DAAM2: variants seen among roughly 807,000 people sequenced by gnomAD.
DAAM2 encodes disheveled-associated activator of morphogenesis 2.
Under a neutral mutation model 120.7 loss-of-function variants are expected in DAAM2, and 39 were observed. The ratio of observed to expected loss-of-function variants is 0.32; its 90% CI spans 0.25 to 0.42. DAAM2 has a LOEUF of 0.42. DAAM2 is among the 10% of genes least tolerant of loss of function. The pLI is 1.00. For synonymous variants in DAAM2, 488 were observed against 524.9 expected (o/e 0.93, Z 0.96); for missense variants, 1,283 against 1,401.7 (o/e 0.92, Z 1.35).
chr6:39,869,401 AG>A (rs1250182097), intron 7 of DAAM2, among the ~76,000 whole-genome samples: 3 of 152,122 alleles, frequency 2.0e-5, no homozygotes, highest in Non-Finnish European at 4.4e-5. Context: ...TCTGGTCAAC[AG>A]GGTGAAGCCC....
intron 19 of DAAM2, among the ~76,000 whole-genome samples, chr6:39,893,772 C>T (rs929607855): frequency 3.9e-5 from 6 of 152,124 alleles, no homozygotes; most frequent in African/African-American, 1.4e-4. Flanking sequence ...AGAATCAGAT[C>T]AGTGTGTGTG....
At chr6:39,817,863 G>A (rs1762353644) in intron 1 of DAAM2, among the ~76,000 whole-genome samples, 1 of 152,052 alleles carries the variant, frequency 6.6e-6, no homozygotes, top group South Asian at 2.1e-4. Context: ...ACTGATTTAA[G>A]TGTTCATCTC....
Position 39,899,902 on chromosome 6 carries a change from G to C in DAAM2, c.2680-175G>C. ...TAGAGAAAGAAAGATGGCAGGGTGG[G>C]CTGGCTGCTAATGTTAGCTCATAGT... is the stretch of plus-strand genomic sequence containing the variant. On this transcript the variant is annotated intron_variant, in intron 22 of 24. Coordinates refer to ENST00000274867, the MANE Select transcript of DAAM2 (RefSeq NM_001201427.2). 6.3e-6 allele frequency: 4 copies of C among 635,034 alleles called. No homozygotes were observed. The South Asian group carries it at 8.8e-5, about 14-fold the overall frequency. 39.3% of individuals were successfully genotyped at this position (635,034 alleles called of 1,614,324 possible). A position where few individuals can be genotyped will look rare whatever the true frequency, so the allele number is the denominator to read the frequency against.
Position 39,888,734 on chromosome 6 carries a change from G to A in DAAM2, c.2116G>A (p.Glu706Lys), listed in dbSNP as rs760053303. Residue 706 changes from glutamate to lysine, a missense_variant, in exon 17 of 25, where the codon GAG becomes AAG. Transcript: ENST00000274867. ...RQAILKMDEQEDLAKDMLEQL... is the reference protein window; with the variant it reads ...RQAILKMDEQKDLAKDMLEQL... ...GGCCATCTTGAAGATGGATGAGCAG[G>A]AGGACCTTGCTAAGGACATGCTGGA... 1.9e-6 allele frequency: 3 copies of A among 1,613,084 alleles called. No individual in the cohort carries two copies. The Admixed American group carries it at 5.0e-5, about 27-fold the overall frequency.
At chr6:39,874,971 A>C (rs1486328018) in intron 10 of DAAM2, among the ~76,000 whole-genome samples, 1 of 152,200 alleles carries the variant, frequency 6.6e-6, no homozygotes, top group Non-Finnish European at 1.5e-5. Context: ...TCAGCATGTA[A>C]TATTTTGGAG....
chr6:39,793,434 T>C (rs1369351575), intron 1 of DAAM2, among the ~76,000 whole-genome samples: 3 of 151,920 alleles, frequency 2.0e-5, no homozygotes, highest in Non-Finnish European at 4.4e-5. Flanking sequence ...CTGGGCTTGA[T>C]TTAACTCTTC....
intron 1 of DAAM2, among the ~76,000 whole-genome samples, chr6:39,818,201 A>AC (rs1193964334): frequency 6.4e-5 from 9 of 139,814 alleles, no homozygotes; most frequent in African/African-American, 2.9e-4. Context: ...AAAAAAAAAA[A>AC]AAAAACTTCA....
chr6:39,892,098 T>C (rs187850546), intron 19 of DAAM2, among the ~76,000 whole-genome samples: 153 of 152,288 alleles, frequency 1.0e-3, no homozygotes, highest in Admixed American at 3.3e-3. Context: ...ACTAGGCTCA[T>C]AGAAGACTTC....
At chr6:39,872,869 T>C (rs1427220584) in intron 9 of DAAM2, among the ~76,000 whole-genome samples, 2 of 152,170 alleles carry the variant, frequency 1.3e-5, no homozygotes, top group African/African-American at 2.4e-5. Flanking sequence ...GGGATGATTT[T>C]GCTCTCCTCT....
chr6:39,844,562 A>G (rs576204134), intron 1 of DAAM2, among the ~76,000 whole-genome samples: 7 of 152,298 alleles, frequency 4.6e-5, no homozygotes, highest in African/African-American at 7.2e-5. Context: ...GTGGATACTC[A>G]GTCTCCGGTC....
chr6:39,829,361 T>C (rs1762795326), intron 1 of DAAM2, among the ~76,000 whole-genome samples: 1 of 151,648 alleles, frequency 6.6e-6, no homozygotes, highest in Non-Finnish European at 1.5e-5. Flanking sequence ...TCCTCAGTGG[T>C]GTGTGATTCT....
chr6:39,847,189 T>TGACCTCAATGG lies in DAAM2; in HGVS notation c.-56-9058_-56-9057insGACCTCAATGG, dbSNP rs1763629992. Among the ~76,000 whole-genome samples, 3 of 152,340 alleles carry TGACCTCAATGG rather than the reference T, an allele frequency of 2.0e-5. No homozygotes were observed. In the South Asian group the frequency reaches 6.2e-4, roughly 32 times the overall value. On this transcript the variant is annotated intron_variant, in intron 1 of 24. Coordinates refer to ENST00000274867, the MANE Select transcript of DAAM2 (RefSeq NM_001201427.2). ...TTGGCCTGACAGAACCTCAAGGTCC[T>TGACCTCAATGG]TCCCTCAAGAGTGACAGAATGCTTT...
chr6:39,902,036 G>T lies in DAAM2; in HGVS notation c.3206G>T (p.Ter1069LeuextTer27). Residue 1069 changes from the stop codon to leucine, a stop_lost, in exon 25 of 25, where the codon TGA becomes TTA. Coordinates refer to ENST00000274867, the MANE Select transcript of DAAM2 (RefSeq NM_001201427.2). ...CGGGCAATAAACCGGCTAAATTATTGACCTGGGGAACTAGCCACACAGGAG... is the reference window on the plus strand; with the variant it reads ...CGGGCAATAAACCGGCTAAATTATTTACCTGGGGAACTAGCCACACAGGAG... ...RERAINRLNY[*>L] The T allele has an allele frequency of 1.2e-6, 2 of 1,600,210 alleles. No homozygotes were observed. The highest frequency in any genetic ancestry group is 1.7e-4 in the Middle Eastern group (1 of 5,990).
rs547406379 is a variant in DAAM2 at position 39,832,693 on chromosome 6, CTTCCTGGGGAAGCTCCAGTATT to C, written c.-56-23546_-56-23525del. On this transcript the variant is annotated intron_variant, in intron 1 of 24. Coordinates refer to ENST00000274867, the MANE Select transcript of DAAM2 (RefSeq NM_001201427.2). ...AGTGCCCCTCCCCTGAATGGTCTGG[CTTCCTGGGGAAGCTCCAGTATT>C]TTCCTGGTGACCAGGGAAGGGCCTG... 1.6e-4 allele frequency among the ~76,000 whole-genome samples: 24 copies of C among 152,326 alleles called. No homozygotes were observed. The South Asian group carries it at 5.0e-3, about 32-fold the overall frequency.
At chr6:39,874,440 A>T (rs970159011) in intron 10 of DAAM2, among the ~76,000 whole-genome samples, 4 of 152,234 alleles carry the variant, frequency 2.6e-5, no homozygotes, top group Non-Finnish European at 2.9e-5. Context: ...GGTCTTCATG[A>T]AGGGCATAGA....
intron 19 of DAAM2, among the ~76,000 whole-genome samples, chr6:39,894,892 T>G (rs1464489698): frequency 2.6e-5 from 4 of 151,986 alleles, no homozygotes; most frequent in Admixed American, 6.5e-5. Context: ...GTGCTGGGAT[T>G]GTAGGCATGA....
chr6:39,810,621 C>G (rs1016961798), intron 1 of DAAM2, among the ~76,000 whole-genome samples: 1 of 152,100 alleles, frequency 6.6e-6, no homozygotes. Context: ...CAATGACTCA[C>G]TAGGAAAGGG....
chr6:39,823,783 G>A (rs1762571096), intron 1 of DAAM2, among the ~76,000 whole-genome samples: 1 of 152,176 alleles, frequency 6.6e-6, no homozygotes, highest in African/African-American at 2.4e-5. Flanking sequence ...CTTAGATGGG[G>A]CTGGGCAATC....
intron 1 of DAAM2, among the ~76,000 whole-genome samples, chr6:39,831,781 G>A (rs1341391027): frequency 4.2e-4 from 37 of 89,124 alleles, no homozygotes; most frequent in Non-Finnish European, 4.8e-4. Flanking sequence ...GGTGTACTGA[G>A]GGGGCAGGTG....
Sources: gnomAD v4.1 joint callset for allele counts (sites outside exome capture counted in the v4.1 genomes callset) on GRCh38, gnomAD v4.1.1 for gene constraint, MANE v1.5 for transcripts, NCBI Gene and HGNC (gene_info 2026-07-23, HGNC 2026-07-21) for gene names.